The following VAV2 variants were observed in gnomAD, a reference collection of about 807,000 sequenced individuals.
VAV2 encodes the protein vav guanine nucleotide exchange factor 2, also known as guanine nucleotide exchange factor VAV2.
Under a neutral mutation model 132.5 loss-of-function variants are expected in VAV2, and 67 were observed. The ratio of observed to expected loss-of-function variants is 0.51; its 90% confidence interval spans 0.42 to 0.62. The LOEUF is 0.62. Ranked by LOEUF, VAV2 falls within the 20% of genes least tolerant of loss-of-function variation. The probability of loss-of-function intolerance (pLI) is 0.00; values close to 1 mark genes in which losing one functional copy is unlikely to be tolerated. For missense variants in VAV2, 938 were observed against 1,153.6 expected (o/e 0.81, Z 2.71); for synonymous variants, 492 against 443.5 (o/e 1.11, Z -1.37).
chr9:133,906,183 G>T (rs1201138456), intron 2 of VAV2, among the ~76,000 whole-genome samples: 1 of 152,206 alleles, frequency 6.6e-6, no homozygotes, highest in African/African-American at 2.4e-5. Context: ...ATGGCCTGGG[G>T]CTCTGTGGGG....
At chr9:133,946,557 T>C (rs1358045391) in intron 1 of VAV2, among the ~76,000 whole-genome samples, 1 of 152,230 alleles carries the variant, frequency 6.6e-6, no homozygotes, top group East Asian at 1.9e-4. Context: ...TTTCTTGAAA[T>C]ACTTCAACAA....
intron 2 of VAV2, among the ~76,000 whole-genome samples, chr9:133,861,772 T>G (rs1837605795): frequency 6.6e-6 from 1 of 152,174 alleles, no homozygotes; most frequent in Non-Finnish European, 1.5e-5. Context: ...AAGGGCTCAC[T>G]CATCCCATGC....
At chr9:133,950,382 T>G (rs915987783) in intron 1 of VAV2, among the ~76,000 whole-genome samples, 6 of 152,088 alleles carry the variant, frequency 3.9e-5, no homozygotes, top group Admixed American at 1.3e-4. Context: ...ACCTACTGCA[T>G]GCTAGGCCGC....
chr9:133,950,978 T>C (rs1165694490), intron 1 of VAV2, among the ~76,000 whole-genome samples: 1 of 152,074 alleles, frequency 6.6e-6, no homozygotes, highest in Admixed American at 6.5e-5. Context: ...CCCACTAAAA[T>C]GAAAGCCAAA....
intron 12 of VAV2, among the ~76,000 whole-genome samples, chr9:133,793,452 G>A (rs1212412643): frequency 6.6e-6 from 1 of 150,842 alleles, no homozygotes; most frequent in Non-Finnish European, 1.5e-5. Context: ...GCTGCAGCAC[G>A]CTGTCTGAAA....
rs977898303 is a variant in VAV2, at chr9:133,762,232, G to A, written c.*1830C>T. The A allele has an allele frequency of 6.6e-6, 1 of 152,470 alleles. No homozygotes were observed. Among genetic ancestry groups the A allele is most frequent in the Non-Finnish European group, 1.5e-5 (1 of 68,036 alleles). 9.4% of individuals were successfully genotyped at this position (152,470 alleles called of 1,614,324 possible). On this transcript the variant is annotated 3_prime_UTR_variant, in exon 30 of 30. Coordinates refer to ENST00000371850, the MANE Select transcript of VAV2 (RefSeq NM_001134398.2). This position sits in a 1 kb window ranked among gnomAD's most constrained non-coding sequence, Gnocchi z 5.0. ...AACAAAAAAATTCACAAAAACCAGG[G>A]TTCTAAATTATTTTTTCTCAGTGTC...
At chr9:133,867,044 G>C (rs993227236) in intron 2 of VAV2, among the ~76,000 whole-genome samples, 1 of 152,156 alleles carries the variant, frequency 6.6e-6, no homozygotes, top group Admixed American at 6.5e-5. Context: ...CAGAGGTCTC[G>C]TCACAAGGCT....
At chr9:133,949,043 G>C (rs1841466792) in intron 1 of VAV2, among the ~76,000 whole-genome samples, 1 of 152,062 alleles carries the variant, frequency 6.6e-6, no homozygotes, top group South Asian at 2.1e-4. Flanking sequence ...CTGTCGGTGG[G>C]TGCCTCTCCA....
In VAV2 at chr9:133,823,038, G is replaced by C. The variant is rs1171601933; in HGVS notation, c.450-10822C>G. On this transcript the variant is annotated intron_variant, in intron 4 of 29. Coordinates refer to ENST00000371850, the MANE Select transcript of VAV2 (RefSeq NM_001134398.2). The surrounding 1 kb of genome is among the most constrained non-coding windows in gnomAD (Gnocchi z 5.5). ...GGCAAAGCCCAGGGCCTGGCTCTCA[G>C]GGGACAGGAGCAGGGATTGTCGAAC... Among the ~76,000 whole-genome samples the C allele has an allele frequency of 6.6e-6, 1 of 152,220 alleles. No homozygotes were observed. The highest frequency in any genetic ancestry group is 2.1e-4 in the South Asian group (1 of 4,830).
intron 1 of VAV2, among the ~76,000 whole-genome samples, chr9:133,985,423 A>T (rs539731482): frequency 1.3e-5 from 2 of 152,326 alleles, no homozygotes; most frequent in South Asian, 4.1e-4. Context: ...CTGGAACTAC[A>T]GGCGTGTGCC....
intron 4 of VAV2, among the ~76,000 whole-genome samples, chr9:133,818,090 C>A (rs549705878): frequency 2.0e-5 from 3 of 152,128 alleles, no homozygotes; most frequent in Admixed American, 6.5e-5. Flanking sequence ...GGCGGCCGGG[C>A]GCGGCGGCTC....
intron 2 of VAV2, among the ~76,000 whole-genome samples, chr9:133,886,302 G>T (rs1016008482): frequency 1.3e-5 from 2 of 152,212 alleles, no homozygotes; most frequent in Non-Finnish European, 2.9e-5. Context: ...CTGAGCAGTG[G>T]CCACAAAGCC....
In VAV2 at chr9:133,885,786, C is replaced by T. The variant is rs115599184; in HGVS notation, c.322-24354G>A. On this transcript the variant is annotated intron_variant, in intron 2 of 29. Coordinates refer to ENST00000371850, the MANE Select transcript of VAV2 (RefSeq NM_001134398.2). The surrounding 1 kb of genome is among the most constrained non-coding windows in gnomAD (Gnocchi z 5.0). ...TGACCTCGCAAACCCACCACGGTGCCGGCACAAACCCTTCACAAAGCACTC... is the reference window on the plus strand; with the variant it reads ...TGACCTCGCAAACCCACCACGGTGCTGGCACAAACCCTTCACAAAGCACTC... 9.8e-3 allele frequency among the ~76,000 whole-genome samples: 1,491 copies of T among 152,260 alleles called. 28 individuals carry two copies. Among genetic ancestry groups the T allele is most frequent in the African/African-American group, 0.034 (1,392 of 41,546 alleles).
chr9:133,899,815 G>A lies in VAV2; in HGVS notation c.322-38383C>T, dbSNP rs1265206686. Among the ~76,000 whole-genome samples the A allele has an allele frequency of 1.5e-4, 22 of 150,274 alleles. No homozygotes were observed. The East Asian group carries it at 4.2e-3, about 28-fold the overall frequency. ...GGCGGGTGGATCACGAGGTCAGGAG[G>A]TCGAGACCATCCTGACTAACACAGT... On this transcript the variant is annotated intron_variant, in intron 2 of 29. Transcript: ENST00000371850.
chr9:133,834,140 C>T lies in VAV2; in HGVS notation c.449+132G>A, dbSNP rs1026044680. 5 of 1,007,618 alleles carry T rather than the reference C, an allele frequency of 5.0e-6. No individual in the cohort carries two copies. The highest frequency in any genetic ancestry group is 7.3e-6 in the Non-Finnish European group (5 of 683,068). The allele number at this position is 1,007,618 out of a possible 1,614,324, so 62.4% of individuals were successfully genotyped here. ...ACCATGACCCATCATGAGGAGATGC[C>T]CCGGTGGGAAGGGCCAGGGCCAGCT... On this transcript the variant is annotated intron_variant, in intron 4 of 29. Coordinates refer to ENST00000371850, the MANE Select transcript of VAV2 (RefSeq NM_001134398.2). This position sits in a 1 kb window ranked among gnomAD's most constrained non-coding sequence, Gnocchi z 5.9.
chr9:133,930,993 C>T (rs1174592380), intron 2 of VAV2, among the ~76,000 whole-genome samples: 1 of 152,214 alleles, frequency 6.6e-6, no homozygotes, highest in Non-Finnish European at 1.5e-5. Context: ...TGCTCTTTAA[C>T]TCGAGCAAGA....
rs1159236759 is a variant in VAV2, at chr9:133,788,409, T to TC, written c.1351dup (p.Glu451GlyfsTer58). 6.2e-7 allele frequency: 1 copy of TC among 1,612,144 alleles called. No individual in the cohort carries two copies. Among genetic ancestry groups the TC allele is most frequent in the African/African-American group, 1.3e-5 (1 of 74,874 alleles). The stretch of plus-strand genomic sequence containing the variant: ...GTCGGTCATCTTGTGGAACAGCAGC[T>TC]CGATGATCTCCTTGAGCTCGTAGCT... On this transcript the variant is annotated frameshift_variant, in exon 15 of 30. Transcript: ENST00000371850. LOFTEE classifies it high-confidence loss of function. This position sits in a 1 kb window ranked among gnomAD's most constrained non-coding sequence, Gnocchi z 5.3.
At chr9:133,966,503 C>T (rs980126083) in intron 1 of VAV2, among the ~76,000 whole-genome samples, 12 of 152,052 alleles carry the variant, frequency 7.9e-5, no homozygotes, top group Non-Finnish European at 8.8e-5. Flanking sequence ...GCCAGGAGTT[C>T]GAGACTGGCC....
intron 5 of VAV2, among the ~76,000 whole-genome samples, chr9:133,811,591 G>A (rs1052394180): frequency 6.6e-6 from 1 of 152,182 alleles, no homozygotes; most frequent in Non-Finnish European, 1.5e-5. Flanking sequence ...GAGCAAACTG[G>A]CGTCCGAGAG....
Sources: allele counts gnomAD v4.1 joint callset (sites outside exome capture counted in the v4.1 genomes callset), GRCh38; gene constraint gnomAD v4.1.1; non-coding constraint Gnocchi (gnomAD v3.1); transcripts MANE v1.5; gene names NCBI Gene and HGNC (gene_info 2026-07-23, HGNC 2026-07-21).